The following PARG variants were observed in gnomAD, a reference collection of about 807,000 sequenced individuals.
The protein encoded by PARG is mitochondrial poly(ADP-ribose) glycohydrolase.
A neutral mutation model predicts 113.0 loss-of-function variants in PARG; 35 were observed. The ratio of observed to expected loss-of-function variants is 0.31; its 90% confidence interval spans 0.24 to 0.41. The LOEUF (loss-of-function observed/expected upper bound fraction) is 0.41, where lower values mean the gene tolerates loss of function less well. PARG is among the 10% of genes least tolerant of loss of function. PARG has a pLI of 1.00. For missense variants in PARG, 797 were observed against 1,169.4 expected, an observed-to-expected ratio of 0.68 and a Z score of 4.64; for synonymous variants, 330 against 409.9, an observed-to-expected ratio of 0.81 and a Z score of 2.36.
intron 13 of PARG, among the ~76,000 whole-genome samples, chr10:49,849,779 G>A (rs1457519967): frequency 3.3e-5 from 5 of 151,994 alleles, no homozygotes; most frequent in Non-Finnish European, 7.4e-5. Context: ...TTGAGAGGCC[G>A]AGGCAGGAGG....
intron 16 of PARG, among the ~76,000 whole-genome samples, chr10:49,832,551 T>A (rs147858204): frequency 5.6e-4 from 85 of 152,324 alleles, no homozygotes; most frequent in Non-Finnish European, 6.9e-4. Flanking sequence ...CTTCTCCTCC[T>A]GCCAATCTTT....
At chr10:49,928,960 T>C (rs1203473218) in intron 4 of PARG, among the ~76,000 whole-genome samples, 1 of 152,240 alleles carries the variant, frequency 6.6e-6, no homozygotes, top group Non-Finnish European at 1.5e-5. Context: ...TGTTAAACTC[T>C]GGGAATAAGA....
intron 13 of PARG, among the ~76,000 whole-genome samples, chr10:49,847,912 G>T (rs1395794117): frequency 6.9e-6 from 1 of 145,468 alleles, no homozygotes; most frequent in Non-Finnish European, 1.5e-5. Context: ...GTAAACTGGT[G>T]AATCTGAGTA....
intron 13 of PARG, among the ~76,000 whole-genome samples, chr10:49,856,971 T>G (rs2132519354): frequency 7.5e-6 from 1 of 132,466 alleles, no homozygotes; most frequent in East Asian, 2.1e-4. Context: ...ATTGCACCAT[T>G]GCACTCCAGC....
chr10:49,840,552 T>A (rs1845177386), intron 15 of PARG, among the ~76,000 whole-genome samples: 1 of 152,170 alleles, frequency 6.6e-6, no homozygotes, highest in South Asian at 2.1e-4. Context: ...TTTTCATTTT[T>A]AAATAAATGA....
At chr10:49,869,071 G>C (rs868921737) in intron 10 of PARG, among the ~76,000 whole-genome samples, 4 of 150,536 alleles carry the variant, frequency 2.7e-5, no homozygotes, top group Non-Finnish European at 5.9e-5. Flanking sequence ...AAGGGCTTAG[G>C]GGGGCACAAA....
intron 17 of PARG, among the ~76,000 whole-genome samples, chr10:49,819,738 C>T (rs1157955089): frequency 6.6e-6 from 1 of 152,168 alleles, no homozygotes; most frequent in Non-Finnish European, 1.5e-5. Flanking sequence ...GTACACTGTC[C>T]ATGCACCCTC....
At chr10:49,908,209 C>T (rs1554845436) in intron 7 of PARG, among the ~76,000 whole-genome samples, 1 of 152,116 alleles carries the variant, frequency 6.6e-6, no homozygotes, top group East Asian at 1.9e-4. Context: ...TGCCTAGTTC[C>T]AATTGGAGTA....
Position 49,890,917 on chromosome 10 carries a change from A to G in PARG, c.1738-5622T>C, listed in dbSNP as rs574531639. Reference sequence around the variant, plus strand: ...ATATTGACTACTGAACTTTGAATTAATAAGTGAAATCTGTAGCTTGCAACA... The same window carrying G: ...ATATTGACTACTGAACTTTGAATTAGTAAGTGAAATCTGTAGCTTGCAACA... On this transcript the variant is annotated intron_variant, in intron 7 of 17. Coordinates refer to ENST00000616448, the MANE Select transcript of PARG (RefSeq NM_003631.5). Among the ~76,000 whole-genome samples, 9 of 152,376 alleles carry G rather than the reference A, an allele frequency of 5.9e-5. No individual in the cohort carries two copies. The East Asian group carries it at 1.3e-3, about 23-fold the overall frequency.
Position 49,933,809 on chromosome 10 carries a change from A to T in PARG, c.639T>A (p.Thr213=). The stretch of plus-strand genomic sequence containing the variant: ...TCTGCTTTGCATTTGCAAGCTTTAC[A>T]GTTGTGAGAAACTGTTGATTGTCTC... ...ENRDNQQFLT[T]VKLANAKQTT... is the part of the protein sequence containing the mutation. Residue 213 remains threonine (T), a synonymous_variant, in exon 3 of 18, where the codon ACT becomes ACA. Transcript: ENST00000616448. 2 of 1,613,388 alleles carry T rather than the reference A, an allele frequency of 1.2e-6. No individual in the cohort carries two copies. Among genetic ancestry groups the T allele is most frequent in the Non-Finnish European group, 1.7e-6 (2 of 1,179,364 alleles).
chr10:49,887,597 T>G lies in PARG; in HGVS notation c.1738-2302A>C, dbSNP rs1217359657. ...CATGGCTTAATGCCCTTAAAAGGCA[T>G]TCAAGTTATTGCAAGTATCAATAGT... On this transcript the variant is annotated intron_variant, in intron 7 of 17. Coordinates refer to ENST00000616448, the MANE Select transcript of PARG (RefSeq NM_003631.5). 1.6e-4 allele frequency among the ~76,000 whole-genome samples: 25 copies of G among 152,184 alleles called. 1 individual carries two copies. Among genetic ancestry groups the G allele is most frequent in the Admixed American group, 1.4e-3 (21 of 15,268 alleles).
intron 4 of PARG, among the ~76,000 whole-genome samples, chr10:49,927,404 AAGAAAGAAAGAAAG>A: frequency 9.5e-6 from 1 of 105,356 alleles, no homozygotes; most frequent in East Asian, 3.6e-4. Context: ...GAAAGAAAGA[AAGAAAGAAAGAAAG>A]AAAAATAAAC....
chr10:49,937,679 T>G (rs1344318318), intron 1 of PARG, among the ~76,000 whole-genome samples: 1 of 152,170 alleles, frequency 6.6e-6, no homozygotes, highest in Non-Finnish European at 1.5e-5. Flanking sequence ...CATCATTTCA[T>G]GAAAAACCAG....
intron 13 of PARG, among the ~76,000 whole-genome samples, chr10:49,856,775 C>T (rs1252484301): frequency 2.0e-5 from 3 of 151,900 alleles, no homozygotes; most frequent in Non-Finnish European, 4.4e-5. Context: ...TTTGGGAGGC[C>T]GAGGCGGGCG....
intron 6 of PARG, among the ~76,000 whole-genome samples, chr10:49,920,481 TATATATATATATATATACAC>T (rs1837767105): frequency 6.9e-5 from 7 of 101,810 alleles, no homozygotes; most frequent in Non-Finnish European, 1.5e-4. Flanking sequence ...TATATATATA[TATATATATATATATATACAC>T]ACACACACAC....
intron 16 of PARG, among the ~76,000 whole-genome samples, chr10:49,823,933 T>C (rs1386427362): frequency 6.6e-6 from 1 of 152,208 alleles, no homozygotes; most frequent in African/African-American, 2.4e-5. Flanking sequence ...CCATTTCTAT[T>C]AGAGTACATA....
At chr10:49,846,117 G>C (rs1845493747) in intron 13 of PARG, among the ~76,000 whole-genome samples, 1 of 150,664 alleles carries the variant, frequency 6.6e-6, no homozygotes, top group Non-Finnish European at 1.5e-5. Flanking sequence ...CAAAACATTT[G>C]CCACGATCAC....
At chr10:49,825,304 T>C (rs1554829252) in intron 16 of PARG, among the ~76,000 whole-genome samples, 1 of 152,070 alleles carries the variant, frequency 6.6e-6, no homozygotes, top group African/African-American at 2.4e-5. Flanking sequence ...CACTCTCTCT[T>C]CAAGAATGCA....
chr10:49,824,052 C>T (rs1436998737), intron 16 of PARG, among the ~76,000 whole-genome samples: 1 of 152,160 alleles, frequency 6.6e-6, no homozygotes, highest in Non-Finnish European at 1.5e-5. Flanking sequence ...CAGTTACTCT[C>T]TGGGCCTCAT....
Sources: gnomAD v4.1 joint callset for allele counts (sites outside exome capture counted in the v4.1 genomes callset) on GRCh38, gnomAD v4.1.1 for gene constraint, MANE v1.5 for transcripts, NCBI Gene and HGNC (gene_info 2026-07-23, HGNC 2026-07-21) for gene names.